PRKN: variants seen among roughly 807,000 people sequenced by gnomAD.
The protein encoded by PRKN is parkin RBR E3 ubiquitin protein ligase.
Under a neutral mutation model 59.5 loss-of-function variants are expected in PRKN, and 56 were observed. That is an observed-to-expected ratio of 0.94 (90% CI 0.76 to 1.18). The LOEUF (loss-of-function observed/expected upper bound fraction) is 1.18. PRKN is among the 50% of genes most tolerant of loss of function. PRKN has a pLI of 0.00. For synonymous variants in PRKN, 250 were observed against 222.1 expected (o/e 1.13, Z -1.12); for missense variants, 657 against 596.4 (o/e 1.10, Z -1.06).
rs1288107528 is a variant in PRKN at position 162,011,133 on chromosome 6, A to ACTATATTTTATATAATATAGTATAT, written c.619-37717_619-37716insATATACTATATTATATAAAATATAG. Among the ~76,000 whole-genome samples, 2 of 8,962 alleles carry ACTATATTTTATATAATATAGTATAT rather than the reference A, an allele frequency of 2.2e-4. 1 individual carries two copies. The highest frequency in any genetic ancestry group is 2.2e-3 in the African/African-American group (2 of 914). The allele number at this position is 8,962 out of a possible 152,430, so 5.9% of individuals were successfully genotyped here. ...AATATATAATATATTTATAATATATAATTATAATATATATTATAATATATA... is the reference window on the plus strand; with the variant it reads ...AATATATAATATATTTATAATATATACTATATTTTATATAATATAGTATATATTATAATATATATTATAATATATA... On this transcript the variant is annotated intron_variant, in intron 5 of 11. Transcript: ENST00000366898.
At chr6:162,107,027 G>A (rs576626224) in intron 4 of PRKN, among the ~76,000 whole-genome samples, 6 of 152,234 alleles carry the variant, frequency 3.9e-5, no homozygotes, top group East Asian at 1.9e-4. Flanking sequence ...CAACCTATCC[G>A]TATTCCCCAT....
At chr6:161,686,793 A>C (rs1467787029) in intron 7 of PRKN, among the ~76,000 whole-genome samples, 4 of 152,194 alleles carry the variant, frequency 2.6e-5, no homozygotes, top group Non-Finnish European at 5.9e-5. Context: ...ATTCAAAGCA[A>C]ACCACAGCCA....
At chr6:162,450,485 G>C (rs908749393) in intron 1 of PRKN, among the ~76,000 whole-genome samples, 15 of 149,854 alleles carry the variant, frequency 1.0e-4, no homozygotes, top group African/African-American at 3.8e-4. Context: ...TCACAGTGGA[G>C]AAACCTGACA....
At chr6:162,145,837 G>T (rs142014590) in intron 4 of PRKN, among the ~76,000 whole-genome samples, 2 of 152,096 alleles carry the variant, frequency 1.3e-5, no homozygotes, top group African/African-American at 2.4e-5. Flanking sequence ...GATGGGCGGC[G>T]AAAAGCAACC....
At chr6:161,900,555 TTA>T (rs200486246) in intron 6 of PRKN, among the ~76,000 whole-genome samples, 14 of 119,154 alleles carry the variant, frequency 1.2e-4, no homozygotes, top group Non-Finnish European at 1.5e-4. Flanking sequence ...TATACATATT[TTA>T]TATGTTATAT....
intron 1 of PRKN, among the ~76,000 whole-genome samples, chr6:162,449,236 G>A (rs976891189): frequency 2.6e-5 from 4 of 152,078 alleles, no homozygotes; most frequent in African/African-American, 4.8e-5. Context: ...ATATCTACAC[G>A]GATGTCCAGT....
At chr6:162,199,168 C>T (rs770629011) in intron 4 of PRKN, among the ~76,000 whole-genome samples, 3 of 151,516 alleles carry the variant, frequency 2.0e-5, no homozygotes, top group Admixed American at 6.6e-5. Context: ...TGAGTGATCA[C>T]TGTGGACATA....
At chr6:161,537,875 G>A (rs941333803) in intron 9 of PRKN, among the ~76,000 whole-genome samples, 1 of 152,202 alleles carries the variant, frequency 6.6e-6, no homozygotes, top group Admixed American at 6.5e-5. Flanking sequence ...CGGGAAGAGT[G>A]AACACAGACT....
At chr6:162,698,748 T>C (rs975770050) in intron 1 of PRKN, among the ~76,000 whole-genome samples, 1 of 152,214 alleles carries the variant, frequency 6.6e-6, no homozygotes, top group African/African-American at 2.4e-5. Flanking sequence ...CAAGTAGTTG[T>C]TTTTGTGATA....
At chr6:162,147,344 GAAAAAA>G (rs767653516) in intron 4 of PRKN, among the ~76,000 whole-genome samples, 2 of 42,068 alleles carry the variant, frequency 4.8e-5, no homozygotes, top group African/African-American at 1.5e-4. Context: ...CTCTGTCTCA[GAAAAAA>G]AAAAAAAAAA....
At position 162,011,506 on chromosome 6, in the gene PRKN, T is replaced by TA. The variant is rs71004071; in HGVS notation, c.619-38090_619-38089insT. On this transcript the variant is annotated intron_variant, in intron 5 of 11. Coordinates refer to ENST00000366898, the MANE Select transcript of PRKN (RefSeq NM_004562.3). ...TTATAATATATATAATATATATTTATTATATATATATTATATATATATATA... is the reference window on the plus strand; with the variant it reads ...TTATAATATATATAATATATATTTATATATATATATATTATATATATATATA... Among the ~76,000 whole-genome samples the TA allele has an allele frequency of 3.6e-3, 57 of 15,644 alleles. 14 individuals are homozygous for TA. Among genetic ancestry groups the TA allele is most frequent in the Admixed American group, 0.013 (7 of 558 alleles). 10.3% of individuals were successfully genotyped at this position (15,644 alleles called of 152,430 possible). A position where few individuals can be genotyped will look rare whatever the true frequency, so the allele number is the denominator to read the frequency against.
At chr6:161,568,498 C>T (rs1780738232) in intron 8 of PRKN, among the ~76,000 whole-genome samples, 1 of 152,176 alleles carries the variant, frequency 6.6e-6, no homozygotes, top group Non-Finnish European at 1.5e-5. Flanking sequence ...GAGGCTGAGA[C>T]AGGAGAATGG....
intron 1 of PRKN, among the ~76,000 whole-genome samples, chr6:162,488,451 G>A (rs1451931780): frequency 6.6e-6 from 1 of 152,154 alleles, no homozygotes; most frequent in Non-Finnish European, 1.5e-5. Context: ...TAAGGTGTGG[G>A]TCGCCTCCAG....
At chr6:162,627,064 C>A (rs1446170809) in intron 1 of PRKN, among the ~76,000 whole-genome samples, 2 of 152,126 alleles carry the variant, frequency 1.3e-5, no homozygotes, top group African/African-American at 4.8e-5. Flanking sequence ...CTACAGAATT[C>A]AATGCAGTGC....
chr6:162,340,039 C>T (rs1784098318), intron 2 of PRKN, among the ~76,000 whole-genome samples: 1 of 146,690 alleles, frequency 6.8e-6, no homozygotes, highest in African/African-American at 2.5e-5. Flanking sequence ...AAACCAGAGA[C>T]CTTTGTTCAC....
At chr6:162,047,823 T>C (rs183199969) in intron 5 of PRKN, among the ~76,000 whole-genome samples, 2 of 152,278 alleles carry the variant, frequency 1.3e-5, no homozygotes, top group Non-Finnish European at 2.9e-5. Context: ...CTCAACAACA[T>C]GAAATCAGAG....
chr6:161,902,213 C>A (rs764157915), intron 6 of PRKN, among the ~76,000 whole-genome samples: 11 of 152,116 alleles, frequency 7.2e-5, no homozygotes, highest in Non-Finnish European at 1.6e-4. Context: ...CTCCCCTGGC[C>A]GGCCCCGTCC....
chr6:162,256,107 T>C (rs1054934420), intron 3 of PRKN, among the ~76,000 whole-genome samples: 17 of 152,158 alleles, frequency 1.1e-4, no homozygotes, highest in African/African-American at 4.1e-4. Flanking sequence ...AGAGGTATCA[T>C]TTGGAAAATT....
At chr6:162,075,700 C>T (rs1025051034) in intron 4 of PRKN, among the ~76,000 whole-genome samples, 1 of 151,866 alleles carries the variant, frequency 6.6e-6, no homozygotes, top group Admixed American at 6.6e-5. Flanking sequence ...AAGAAGCTGG[C>T]TAGATAAGGA....
Sources: gnomAD v4.1 joint callset for allele counts (sites outside exome capture counted in the v4.1 genomes callset) on GRCh38, gnomAD v4.1.1 for gene constraint, MANE v1.5 for transcripts, NCBI Gene and HGNC (gene_info 2026-07-23, HGNC 2026-07-21) for gene names.